ATP2B2: variants seen among roughly 807,000 people sequenced by gnomAD.
ATP2B2 encodes the protein plasma membrane calcium-transporting ATPase 2.
ATP2B2 carries 15 observed loss-of-function variants against 120.0 expected under a neutral mutation model. The ratio of observed to expected loss-of-function variants is 0.12; its 90% CI spans 0.08 to 0.19. The LOEUF (loss-of-function observed/expected upper bound fraction) is 0.19, where lower values mean the gene tolerates loss of function less well. Among genes scored for constraint, ATP2B2 ranks in the 10% least tolerant of loss-of-function variants. The pLI, the probability that ATP2B2 is intolerant of heterozygous loss-of-function variation, is 1.00. For missense variants in ATP2B2, 1,045 were observed against 1,719.8 expected (o/e 0.61, Z 6.94); for synonymous variants, 694 against 700.3 (o/e 0.99, Z 0.14).
At chr3:10,398,967 G>A (rs890716870) in intron 5 of ATP2B2, among the ~76,000 whole-genome samples, 12 of 152,090 alleles carry the variant, frequency 7.9e-5, no homozygotes, top group African/African-American at 2.7e-4. Context: ...ATCTCTGCCC[G>A]TCGTATCTTT....
At chr3:10,435,754 A>G (rs1234037312) in intron 2 of ATP2B2, among the ~76,000 whole-genome samples, 1 of 151,858 alleles carries the variant, frequency 6.6e-6, no homozygotes, top group East Asian at 1.9e-4. Flanking sequence ...GAGCCTCCGT[A>G]CCTCTCCTGG....
At position 10,385,325 on chromosome 3, in the gene ATP2B2, C is replaced by A. The variant is rs770633275; in HGVS notation, c.943G>T (p.Ala315Ser). The change falls in exon 8 of 23, where the codon GCA becomes TCA. Residue 315 changes from alanine to serine, a missense_variant and splice_region_variant. Physicochemically the swap from Ala to Ser is moderately conservative, Grantham distance 99. Transcript: ENST00000360273. ...GCATTTGAAGCTGCCGCACCGTCTG[C>A]TGCTGCAGGGGGGTGGGAGGGATGG... Reference protein sequence around the residue: ...KKGDGLQLPAADGAAASNAAD... With the variant: ...KKGDGLQLPASDGAAASNAAD... The A allele has an allele frequency of 1.7e-5, 27 of 1,613,656 alleles. No homozygotes were observed. The Admixed American group carries it at 2.2e-4, about 13-fold the overall frequency.
At chr3:10,690,556 G>C (rs138498278) in intron 1 of ATP2B2, among the ~76,000 whole-genome samples, 1 of 152,066 alleles carries the variant, frequency 6.6e-6, no homozygotes, top group Non-Finnish European at 1.5e-5. Context: ...TCTAAAGGTT[G>C]CCACCTTACT....
At position 10,402,185 on chromosome 3, in the gene ATP2B2, C is replaced by T. The variant is rs762817782; in HGVS notation, c.561G>A (p.Glu187=). Residue 187 remains glutamate, a synonymous_variant, in exon 4 of 23, where the codon GAG becomes GAA. Coordinates refer to ENST00000360273, the MANE Select transcript of ATP2B2 (RefSeq NM_001001331.4). The surrounding 1 kb of genome is among the most constrained non-coding windows in gnomAD (Gnocchi z 4.9). The part of the protein sequence containing the change: ...KQFRGLQSRI[E]QEQKFTVVRA... ...GGACCACGGTAAATTTCTGTTCCTG[C>T]TCGATGCGGCTCTGCAGGCCCCGGA... The T allele has an allele frequency of 1.2e-6, 2 of 1,614,224 alleles. No individual in the cohort carries two copies. The highest frequency in any genetic ancestry group is 8.5e-7 in the Non-Finnish European group (1 of 1,180,044).
At chr3:10,538,642 T>C (rs962777500) in intron 2 of ATP2B2, among the ~76,000 whole-genome samples, 2 of 152,166 alleles carry the variant, frequency 1.3e-5, no homozygotes, top group African/African-American at 2.4e-5. Flanking sequence ...ACTGTCTCAA[T>C]AGATGCAGAA....
At chr3:10,544,453 C>A (rs955594177) in intron 2 of ATP2B2, among the ~76,000 whole-genome samples, 1 of 152,172 alleles carries the variant, frequency 6.6e-6, no homozygotes, top group Non-Finnish European at 1.5e-5. Flanking sequence ...TCCAGCAGAA[C>A]CTTTTGCCTT....
At chr3:10,506,814 C>T (rs1418781852), upstream of ATP2B2, among the ~76,000 whole-genome samples, 1 of 152,220 alleles carries the variant, frequency 6.6e-6, no homozygotes, top group Non-Finnish European at 1.5e-5. Flanking sequence ...CCTGCCCCCA[C>T]CTCCTGCCCA....
intron 1 of ATP2B2, among the ~76,000 whole-genome samples, chr3:10,672,926 C>G (rs1216109242): frequency 2.0e-5 from 3 of 152,138 alleles, no homozygotes; most frequent in Non-Finnish European, 2.9e-5. Context: ...AAAGGATGCT[C>G]CCAGAACTAT....
chr3:10,431,193 G>C (rs1437849886), intron 2 of ATP2B2, among the ~76,000 whole-genome samples: 2 of 152,186 alleles, frequency 1.3e-5, no homozygotes, highest in Non-Finnish European at 2.9e-5. Flanking sequence ...AAAGGACTTA[G>C]AATATTCCAT....
intron 2 of ATP2B2, among the ~76,000 whole-genome samples, chr3:10,432,782 G>A (rs1396407082): frequency 9.2e-5 from 14 of 152,222 alleles, no homozygotes; most frequent in African/African-American, 3.1e-4. Flanking sequence ...AAAGGGACGC[G>A]GCTTTCTACA....
intron 1 of ATP2B2, among the ~76,000 whole-genome samples, chr3:10,653,474 G>C (rs536515045): frequency 1.1e-4 from 16 of 152,324 alleles, no homozygotes; most frequent in African/African-American, 3.8e-4. Flanking sequence ...GGGGGCGTCA[G>C]AAACCAGGCA....
intron 1 of ATP2B2, among the ~76,000 whole-genome samples, chr3:10,485,143 C>T (rs1222080695): frequency 2.6e-5 from 4 of 152,180 alleles, no homozygotes; most frequent in African/African-American, 9.7e-5. Flanking sequence ...CTTCAGGAGG[C>T]CAGTAGCCAA....
At chr3:10,358,500 G>A (rs2060803600) in intron 14 of ATP2B2, among the ~76,000 whole-genome samples, 191 bp downstream of exon 14, 2 of 152,180 alleles carry the variant, frequency 1.3e-5, no homozygotes, top group African/African-American at 4.8e-5. Context: ...CTTCTGGGCC[G>A]ACCCATGCCA....
intron 1 of ATP2B2, chr3:10,626,623 G>A (rs1264918335): frequency 6.6e-6 from 1 of 151,828 alleles, no homozygotes; most frequent in Non-Finnish European, 1.5e-5. Flanking sequence ...ATGGATGGAT[G>A]GACTGGTGGA....
chr3:10,374,462 C>A (rs1390995638), intron 11 of ATP2B2, among the ~76,000 whole-genome samples: 2 of 152,246 alleles, frequency 1.3e-5, no homozygotes, highest in Non-Finnish European at 2.9e-5. Flanking sequence ...AGCTTGGAAA[C>A]TGATGCTCAC....
At chr3:10,633,561 A>T (rs2069933669) in intron 1 of ATP2B2, among the ~76,000 whole-genome samples, 1 of 152,212 alleles carries the variant, frequency 6.6e-6, no homozygotes, top group South Asian at 2.1e-4. Context: ...TTCTTCTCTG[A>T]TGGTAATACA....
At chr3:10,649,287 G>A (rs945163640) in intron 1 of ATP2B2, among the ~76,000 whole-genome samples, 3 of 152,120 alleles carry the variant, frequency 2.0e-5, no homozygotes, top group Admixed American at 6.5e-5. Flanking sequence ...TGCTCATGTT[G>A]GTCAGTGGCT....
chr3:10,380,681 C>A (rs1356485562), intron 8 of ATP2B2, among the ~76,000 whole-genome samples: 2 of 152,170 alleles, frequency 1.3e-5, no homozygotes, highest in African/African-American at 2.4e-5. Flanking sequence ...ACCCCTCAGC[C>A]CCTCTGAGCC....
chr3:10,704,662 T>C (rs1002755987), intron 1 of ATP2B2, among the ~76,000 whole-genome samples: 2 of 152,218 alleles, frequency 1.3e-5, no homozygotes, highest in Non-Finnish European at 2.9e-5. Context: ...GTTAGCTCCC[T>C]TTTTTGGGTT....
Sources: gnomAD v4.1 joint callset for allele counts (sites outside exome capture counted in the v4.1 genomes callset) on GRCh38, gnomAD v4.1.1 for gene constraint, Gnocchi (gnomAD v3.1) non-coding constraint, MANE v1.5 for transcripts, NCBI Gene and HGNC (gene_info 2026-07-23, HGNC 2026-07-21) for gene names.